The following PIWIL4 variants were observed in gnomAD, a reference collection of about 807,000 sequenced individuals.
PIWIL4 encodes piwi like RNA-mediated gene silencing 4.
A neutral mutation model predicts 100.9 loss-of-function variants in PIWIL4; 50 were observed. That is an observed-to-expected ratio of 0.50 (90% CI 0.39 to 0.63). The LOEUF (loss-of-function observed/expected upper bound fraction) is 0.63. PIWIL4 is among the 20% of genes least tolerant of loss of function. PIWIL4 has a pLI of 0.00. For synonymous variants in PIWIL4, 342 were observed against 367.5 expected, an observed-to-expected ratio of 0.93 and a Z score of 0.79; for missense variants, 887 against 1,043.3, an observed-to-expected ratio of 0.85 and a Z score of 2.06.
At chr11:94,618,353 G>A (rs531309559) in intron 17 of PIWIL4, among the ~76,000 whole-genome samples, 1 of 152,180 alleles carries the variant, frequency 6.6e-6, no homozygotes, top group Non-Finnish European at 1.5e-5. Flanking sequence ...GACAAAGAAA[G>A]GTACCCTCAG....
chr11:94,610,630 T>C (rs1948778570), intron 15 of PIWIL4, among the ~76,000 whole-genome samples: 1 of 152,188 alleles, frequency 6.6e-6, no homozygotes, highest in Non-Finnish European at 1.5e-5. Flanking sequence ...CTGTTGGCCA[T>C]TTATATGTCA....
chr11:94,603,864 T>C, intron 12 of PIWIL4, 120 bp from the exon 13 acceptor site: 1 of 604,094 alleles, frequency 1.7e-6, no homozygotes, highest in Non-Finnish European at 2.8e-6. Context: ...TTTTCTCTAA[T>C]AATTTTTCCT....
intron 17 of PIWIL4, among the ~76,000 whole-genome samples, chr11:94,618,519 G>A (rs1459923515): frequency 6.6e-6 from 1 of 152,190 alleles, no homozygotes; most frequent in Non-Finnish European, 1.5e-5. Context: ...AGGCACTGAT[G>A]TGCACTTAAG....
chr11:94,584,528 A>G lies in PIWIL4; in HGVS notation c.636-917A>G, dbSNP rs538529190. Among the ~76,000 whole-genome samples, 5 of 152,292 alleles carry G rather than the reference A, an allele frequency of 3.3e-5. No homozygotes were observed. The East Asian group carries it at 9.7e-4, about 29-fold the overall frequency. On this transcript the variant is annotated intron_variant, in intron 5 of 19. Coordinates refer to ENST00000299001, the MANE Select transcript of PIWIL4 (RefSeq NM_152431.3). ...ATGCTTTCAGTGAGAAAGTTCTTTC[A>G]CTTGTCTTTTATCTTACTTTACCCT...
intron 9 of PIWIL4, among the ~76,000 whole-genome samples, chr11:94,594,266 A>T (rs1489554660): frequency 6.6e-6 from 1 of 152,152 alleles, no homozygotes; most frequent in African/African-American, 2.4e-5. Flanking sequence ...CAGGAGTTCG[A>T]GACCAGCCTG....
intron 7 of PIWIL4, 103 bp downstream of exon 7, chr11:94,587,350 A>C: frequency 3.4e-6 from 4 of 1,180,704 alleles, no homozygotes; most frequent in Non-Finnish European, 4.7e-6. Context: ...CACAGATCTA[A>C]TCCATTTACT....
intron 10 of PIWIL4, among the ~76,000 whole-genome samples, chr11:94,596,445 C>A (rs751466427): frequency 8.5e-5 from 13 of 152,084 alleles, no homozygotes; most frequent in East Asian, 1.9e-4. Flanking sequence ...TCAGACTCTG[C>A]AAACGCATAT....
At chr11:94,588,833 C>A (rs1948440293) in intron 7 of PIWIL4, among the ~76,000 whole-genome samples, 2 of 152,122 alleles carry the variant, frequency 1.3e-5, no homozygotes, top group Admixed American at 1.3e-4. Flanking sequence ...GAATGATTTA[C>A]CTGAAGTTAG....
chr11:94,601,066 C>A (rs1030807625), intron 11 of PIWIL4, among the ~76,000 whole-genome samples: 2 of 149,594 alleles, frequency 1.3e-5, no homozygotes, highest in Non-Finnish European at 3.0e-5. Context: ...AGGCGACATG[C>A]ATCCTCCTCG....
At chr11:94,610,384 T>C (rs1000123885) in intron 15 of PIWIL4, among the ~76,000 whole-genome samples, 9 of 152,180 alleles carry the variant, frequency 5.9e-5, no homozygotes, top group Non-Finnish European at 1.2e-4. Context: ...TTCTGGATCA[T>C]ATAGTAGTTC....
rs1948541845 is a variant in PIWIL4 at position 94,595,330 on chromosome 11, C to G, written c.1172C>G (p.Ser391Cys). The part of the protein sequence containing the change: ...FLTGLTDQAT[S>C]DFQLMKAVAE... Reference sequence around the variant, plus strand: ...ATAGGGCTGACTGACCAGGCAACATCTGATTTCCAGCTGATGAAGGCTGTG... The same window carrying G: ...ATAGGGCTGACTGACCAGGCAACATGTGATTTCCAGCTGATGAAGGCTGTG... The change falls in exon 10 of 20, where the codon TCT becomes TGT. Residue 391 changes from serine (S) to cysteine (C), a missense_variant. Coordinates refer to ENST00000299001, the MANE Select transcript of PIWIL4 (RefSeq NM_152431.3). The G allele has an allele frequency of 6.2e-7, 1 of 1,613,808 alleles. No homozygotes were observed. The highest frequency in any genetic ancestry group is 2.2e-5 in the East Asian group (1 of 44,890).
At chr11:94,581,902 C>G (rs936792946) in intron 4 of PIWIL4, among the ~76,000 whole-genome samples, 3 of 152,282 alleles carry the variant, frequency 2.0e-5, no homozygotes, top group South Asian at 2.1e-4. Flanking sequence ...ATCATGTGCT[C>G]TTAAGCACTG....
chr11:94,585,903 A>G (rs1037787861), intron 6 of PIWIL4, among the ~76,000 whole-genome samples: 1 of 152,174 alleles, frequency 6.6e-6, no homozygotes. Flanking sequence ...AGCCAACCAA[A>G]TAACTCTGGT....
rs552877101 is a variant in PIWIL4 at position 94,589,598 on chromosome 11, T to G, written c.1026+366T>G. On this transcript the variant is annotated intron_variant, in intron 8 of 19. Transcript: ENST00000299001. ...CCTTTAAAGCCTCATCTCTTCCCATTCCCCTGCTCCCTTCCCTGGCTCTGA... is the reference window on the plus strand; with the variant it reads ...CCTTTAAAGCCTCATCTCTTCCCATGCCCCTGCTCCCTTCCCTGGCTCTGA... 2.3e-4 allele frequency among the ~76,000 whole-genome samples: 35 copies of G among 152,198 alleles called. 1 individual carries two copies. The highest frequency in any genetic ancestry group is 8.4e-4 in the African/African-American group (35 of 41,524).
At chr11:94,571,420 T>TA (rs1948152639) in intron 2 of PIWIL4, among the ~76,000 whole-genome samples, 1 of 152,218 alleles carries the variant, frequency 6.6e-6, no homozygotes, top group Admixed American at 6.5e-5. Context: ...TATCTCCTAA[T>TA]ACTATCCCTG....
chr11:94,590,141 C>G (rs558328174), intron 8 of PIWIL4, among the ~76,000 whole-genome samples: 197 of 152,318 alleles, frequency 1.3e-3, no homozygotes, highest in Non-Finnish European at 2.3e-3. Context: ...CCTTAGCTAA[C>G]TTTAGAAAGT....
chr11:94,620,230 A>G (rs1948891252), intron 19 of PIWIL4, 86 bp downstream of exon 19: 4 of 1,363,442 alleles, frequency 2.9e-6, no homozygotes, highest in Non-Finnish European at 4.0e-6. Flanking sequence ...TTGTATCCCT[A>G]GATATAGCAC....
intron 2 of PIWIL4, among the ~76,000 whole-genome samples, chr11:94,573,861 T>A (rs1270482084): frequency 6.6e-6 from 1 of 152,218 alleles, no homozygotes; most frequent in Admixed American, 6.5e-5. Flanking sequence ...CAACTTTAGA[T>A]CTTTTTTCAC....
chr11:94,604,818 A>G (rs1162132035), intron 13 of PIWIL4, among the ~76,000 whole-genome samples: 1 of 152,184 alleles, frequency 6.6e-6, no homozygotes. Flanking sequence ...ATGTCATGCA[A>G]ACTAACTGAA....
Sources: allele counts gnomAD v4.1 joint callset (sites outside exome capture counted in the v4.1 genomes callset), GRCh38; gene constraint gnomAD v4.1.1; transcripts MANE v1.5; gene names NCBI Gene and HGNC (gene_info 2026-07-23, HGNC 2026-07-21).